ALDH1L1: variants seen among roughly 807,000 people sequenced by gnomAD.
ALDH1L1 encodes aldehyde dehydrogenase 1 family member L1, also known as cytosolic 10-formyltetrahydrofolate dehydrogenase.
In ALDH1L1, 68 loss-of-function variants were observed where a neutral mutation model predicts 101.1. That is an observed-to-expected ratio of 0.67 (90% CI 0.55 to 0.82). The LOEUF is 0.82. Among genes scored for constraint, ALDH1L1 ranks in the 40% least tolerant of loss-of-function variants. ALDH1L1 has a pLI of 0.00. For synonymous variants in ALDH1L1, 486 were observed against 470.8 expected (o/e 1.03, Z -0.42); for missense variants, 1,087 against 1,172.7 (o/e 0.93, Z 1.07).
At chr3:126,149,687 G>A (rs2080770699) in intron 8 of ALDH1L1, among the ~76,000 whole-genome samples, 1 of 152,154 alleles carries the variant, frequency 6.6e-6, no homozygotes, top group South Asian at 2.1e-4. Flanking sequence ...AAGGTCCCCA[G>A]CTGTGCCCAC....
intron 9 of ALDH1L1, among the ~76,000 whole-genome samples, chr3:126,138,501 A>G (rs1387437723): frequency 6.6e-6 from 1 of 152,242 alleles, no homozygotes; most frequent in Non-Finnish European, 1.5e-5. Flanking sequence ...AAGGAGAAAT[A>G]TGGACGGCAA....
intron 1 of ALDH1L1, among the ~76,000 whole-genome samples, chr3:126,163,298 T>C (rs192240568): frequency 1.3e-5 from 2 of 152,224 alleles, no homozygotes; most frequent in Admixed American, 6.5e-5. Flanking sequence ...ACTGACGTTG[T>C]ATTAACTAGC....
chr3:126,134,776 G>C (rs555358098), intron 12 of ALDH1L1, among the ~76,000 whole-genome samples: 2 of 152,116 alleles, frequency 1.3e-5, no homozygotes, highest in Admixed American at 1.3e-4. Context: ...ACTTGGCTTC[G>C]CACCCCTAGA....
chr3:126,113,215 G>A (rs1324970803), intron 18 of ALDH1L1, among the ~76,000 whole-genome samples: 6 of 152,230 alleles, frequency 3.9e-5, no homozygotes, highest in African/African-American at 1.4e-4. Flanking sequence ...CACCCTGGGT[G>A]GCTCACTGGG....
chr3:126,155,206 G>C (rs568161157), intron 5 of ALDH1L1, among the ~76,000 whole-genome samples, 196 bp downstream of exon 5: 2 of 152,118 alleles, frequency 1.3e-5, no homozygotes, highest in Admixed American at 6.5e-5. Context: ...GACCCTGTTC[G>C]CTACCCTCCC....
Position 126,192,045 on chromosome 3 carries a change from C to A in ALDH1L1, c.-24+5690G>T, listed in dbSNP as rs550442104. 9.8e-4 allele frequency among the ~76,000 whole-genome samples: 150 copies of A among 152,298 alleles called. 1 individual carries two copies. Among genetic ancestry groups the A allele is most frequent in the Middle Eastern group, 3.4e-3 (1 of 294 alleles). On this transcript the variant is annotated intron_variant, in intron 1 of 2. Coordinates refer to the ALDH1L1 transcript ENST00000509952. The stretch of plus-strand genomic sequence containing the variant: ...AACAAATACTGACTCTCTTTCTCAG[C>A]TAGAATGCTAAAGAAAGCTGGACAG...
intron 1 of ALDH1L1, among the ~76,000 whole-genome samples, chr3:126,191,771 C>T (rs1346797577): frequency 2.6e-5 from 4 of 152,162 alleles, no homozygotes; most frequent in Admixed American, 1.3e-4. Context: ...AAACTGAAGG[C>T]TTTCCATCAA....
In ALDH1L1 at chr3:126,121,849, G is replaced by A. The variant is rs185089266; in HGVS notation, c.1888+2515C>T. On this transcript the variant is annotated intron_variant, in intron 16 of 22. Transcript: ENST00000393434. ...AGCGAAGGAAGCTGGCATCCACCAG[G>A]AGGTGCAGGCCACCAAGCCCTCTCA... Among the ~76,000 whole-genome samples the A allele has an allele frequency of 1.2e-3, 183 of 152,324 alleles. 2 individuals are homozygous for A. The highest frequency in any genetic ancestry group is 4.3e-3 in the African/African-American group (178 of 41,570).
At chr3:126,147,474 C>A (rs572586661) in intron 8 of ALDH1L1, among the ~76,000 whole-genome samples, 56 of 152,356 alleles carry the variant, frequency 3.7e-4, no homozygotes, top group African/African-American at 1.3e-3. Flanking sequence ...CTGAAGGATT[C>A]AGTCTGGGAC....
chr3:126,146,021 G>A (rs984964665), intron 9 of ALDH1L1, among the ~76,000 whole-genome samples: 4 of 151,994 alleles, frequency 2.6e-5, no homozygotes, highest in African/African-American at 9.7e-5. Flanking sequence ...ACTGCATACT[G>A]CCTCACAGTG....
intron 18 of ALDH1L1, among the ~76,000 whole-genome samples, 175 bp downstream of exon 18, chr3:126,114,382 C>T (rs1396132421): frequency 2.6e-5 from 4 of 152,222 alleles, no homozygotes; most frequent in Admixed American, 2.6e-4. Context: ...GTTTGGAGGG[C>T]ACACGTCATT....
chr3:126,132,968 G>A (rs1283113684), intron 12 of ALDH1L1, among the ~76,000 whole-genome samples: 1 of 152,156 alleles, frequency 6.6e-6, no homozygotes, highest in African/African-American at 2.4e-5. Context: ...TGCGTAAATC[G>A]GTTCCTGAGA....
intron 22 of ALDH1L1, chr3:126,105,156 A>C (rs920587794): frequency 1.7e-5 from 3 of 175,498 alleles, no homozygotes; most frequent in African/African-American, 7.1e-5. Context: ...GGAGACTTGC[A>C]ACACCCGTGG....
At chr3:126,159,360 G>A (rs764997763) in intron 2 of ALDH1L1, 12 of 449,220 alleles carry the variant, frequency 2.7e-5, no homozygotes, top group South Asian at 1.1e-4. Flanking sequence ...TAGTTAAAGC[G>A]TCCTCCTTTA....
At chr3:126,151,678 G>A (rs1266723174) in intron 7 of ALDH1L1, 1 of 152,228 alleles carries the variant, frequency 6.6e-6, no homozygotes, top group Non-Finnish European at 1.5e-5. Flanking sequence ...CTGTATGCAT[G>A]CTCTGCCAGA....
intron 21 of ALDH1L1, 132 bp from the exon 22 acceptor site, chr3:126,106,057 C>G: frequency 1.1e-6 from 1 of 931,172 alleles, no homozygotes; most frequent in Non-Finnish European, 1.6e-6. Flanking sequence ...GGCTGCAGCG[C>G]CGGGGGCAAG....
intron 1 of ALDH1L1, among the ~76,000 whole-genome samples, chr3:126,163,200 G>A (rs1045398063): frequency 3.3e-5 from 5 of 152,066 alleles, no homozygotes; most frequent in African/African-American, 1.2e-4. Context: ...ACCTTCTTTG[G>A]AGCAATGTTT....
intron 13 of ALDH1L1, 109 bp downstream of exon 13, chr3:126,131,275 T>G: frequency 7.6e-7 from 1 of 1,322,312 alleles, no homozygotes; most frequent in Non-Finnish European, 1.0e-6. Flanking sequence ...AGCCACCAGT[T>G]GTGGTCATTT....
upstream of ALDH1L1, chr3:126,180,600 C>G (rs2081457834): frequency 1.7e-6 from 2 of 1,208,006 alleles, no homozygotes; most frequent in Non-Finnish European, 2.1e-6. Context: ...CGCCAGTCCG[C>G]GAGCTCTGGT....
Sources: gnomAD v4.1 joint callset for allele counts (sites outside exome capture counted in the v4.1 genomes callset) on GRCh38, gnomAD v4.1.1 for gene constraint, MANE v1.5 for transcripts, NCBI Gene and HGNC (gene_info 2026-07-23, HGNC 2026-07-21) for gene names.